ANK3: variants seen among roughly 807,000 people sequenced by gnomAD.
ANK3 encodes the protein ankyrin-3.
Under a neutral mutation model 370.9 loss-of-function variants are expected in ANK3, and 57 were observed. That is an observed-to-expected ratio of 0.15 (90% CI 0.12 to 0.19). The LOEUF (loss-of-function observed/expected upper bound fraction) is 0.19, where lower values mean the gene tolerates loss of function less well. Among genes scored for constraint, ANK3 ranks in the 10% least tolerant of loss-of-function variants. The pLI is 1.00. For missense variants in ANK3, 4,439 were observed against 5,302.1 expected (o/e 0.84, Z 5.06); for synonymous variants, 1,929 against 1,946.3 (o/e 0.99, Z 0.23).
Position 60,493,016 on chromosome 10 carries a change from G to A in ANK3, c.96+122170C>T, listed in dbSNP as rs1326678042. ...AATGGTGTGAATCCAGGAGGTGGAG[G>A]TTGCAGTGAGCCAAGATTGTGTCAC... On this transcript the variant is annotated intron_variant, in intron 2 of 43. Transcript: ENST00000373827. Among the ~76,000 whole-genome samples the A allele has an allele frequency of 3.3e-5, 5 of 149,346 alleles. No individual in the cohort carries two copies. The Admixed American group carries it at 3.4e-4, about 10-fold the overall frequency.
intron 1 of ANK3, among the ~76,000 whole-genome samples, chr10:60,365,188 A>G (rs1330235767): frequency 6.6e-6 from 1 of 151,648 alleles, no homozygotes. Flanking sequence ...CTTTATAAAG[A>G]TCTTTTAGCC....
chr10:60,052,675 A>G (rs1015788711), intron 42 of ANK3, among the ~76,000 whole-genome samples: 4 of 152,206 alleles, frequency 2.6e-5, no homozygotes, highest in Non-Finnish European at 5.9e-5. Flanking sequence ...GCCATGGGGA[A>G]GAGTATTTAC....
intron 2 of ANK3, among the ~76,000 whole-genome samples, chr10:60,396,195 A>AGTGCTATGAAGAAAATAAATTAGTATGG (rs1316803370): frequency 6.6e-5 from 10 of 152,200 alleles, no homozygotes; most frequent in African/African-American, 2.4e-4. Flanking sequence ...GATAGTAACA[A>AGTGCTATGAAGAAAATAAATTAGTATGG]GTGCTATGAA....
At chr10:60,051,664 C>CTTTTTTTTTTTTTTTT in intron 42 of ANK3, 1 of 151,186 alleles carries the variant, frequency 6.6e-6, no homozygotes, top group Non-Finnish European at 1.1e-5. Context: ...ATGTTTTCTT[C>CTTTTTTTTTTTTTTTT]TTTTTTTTTT....
At chr10:60,050,048 CCTTTCACTTTAAAATATCATA>C (rs2077633378) in intron 42 of ANK3, among the ~76,000 whole-genome samples, 2 of 152,086 alleles carry the variant, frequency 1.3e-5, no homozygotes, top group African/African-American at 4.8e-5. Context: ...TTTTTCTAGA[CCTTTCACTTTAAAATATCATA>C]TCTTGAAGAC....
chr10:60,418,499 G>T (rs10821760), intron 2 of ANK3, among the ~76,000 whole-genome samples: 23,872 of 151,842 alleles, frequency 0.16, 1,914 homozygotes, highest in African/African-American at 0.17. Flanking sequence ...GGAAAAGTGG[G>T]TTTTATTCAT....
chr10:60,270,512 C>T (rs1481151112), intron 4 of ANK3, among the ~76,000 whole-genome samples: 1 of 152,160 alleles, frequency 6.6e-6, no homozygotes, highest in Non-Finnish European at 1.5e-5. Context: ...AATTTACCCA[C>T]TTTAAAGAAA....
chr10:60,559,114 C>A (rs1448711955), intron 2 of ANK3, among the ~76,000 whole-genome samples: 3 of 152,050 alleles, frequency 2.0e-5, no homozygotes, highest in Non-Finnish European at 4.4e-5. Flanking sequence ...ATGCTCCATG[C>A]CTTCTTTTTA....
intron 32 of ANK3, chr10:60,084,361 G>A (rs965458983): frequency 2.7e-5 from 5 of 181,960 alleles, no homozygotes; most frequent in East Asian, 1.3e-4. Context: ...AGCTGAGACC[G>A]CGCCACTGCA....
intron 1 of ANK3, among the ~76,000 whole-genome samples, chr10:60,318,509 A>G (rs2047940059): frequency 6.6e-6 from 1 of 152,216 alleles, no homozygotes; most frequent in Non-Finnish European, 1.5e-5. Context: ...ATCCTTCATG[A>G]CCACATACAA....
intron 1 of ANK3, among the ~76,000 whole-genome samples, chr10:60,367,837 C>T (rs1196732376): frequency 6.6e-6 from 1 of 152,194 alleles, no homozygotes; most frequent in African/African-American, 2.4e-5. Flanking sequence ...ATGAGGATAA[C>T]CATCGCTTTC....
chr10:60,496,822 C>T (rs1486204417), intron 2 of ANK3, among the ~76,000 whole-genome samples: 3 of 151,366 alleles, frequency 2.0e-5, no homozygotes, highest in Admixed American at 2.0e-4. Flanking sequence ...GGAGGTAGGT[C>T]AGAGGCAGGT....
chr10:60,356,099 A>T (rs1179425118), intron 1 of ANK3, among the ~76,000 whole-genome samples: 2 of 152,314 alleles, frequency 1.3e-5, no homozygotes, highest in Middle Eastern at 6.8e-3. Flanking sequence ...AAGTAGCAGT[A>T]AGTAGAATGC....
At chr10:60,503,815 T>C (rs921681060) in intron 2 of ANK3, among the ~76,000 whole-genome samples, 3 of 152,186 alleles carry the variant, frequency 2.0e-5, no homozygotes, top group Admixed American at 6.5e-5. Context: ...GATGAGATGT[T>C]TGTCCAAGGT....
intron 23 of ANK3, chr10:60,139,514 G>GA (rs1230665138): frequency 1.9e-5 from 3 of 157,648 alleles, no homozygotes; most frequent in African/African-American, 7.2e-5. Flanking sequence ...ATGTGGGAAG[G>GA]AAACAGACAT....
intron 1 of ANK3, among the ~76,000 whole-genome samples, chr10:60,348,366 A>ACCC (rs1329777186): frequency 1.0e-5 from 1 of 97,876 alleles, no homozygotes; most frequent in East Asian, 2.6e-4. Flanking sequence ...AAAAAAAAAA[A>ACCC]AAAACACAAA....
intron 1 of ANK3, among the ~76,000 whole-genome samples, chr10:60,690,225 G>A (rs1428237005): frequency 6.6e-6 from 1 of 152,136 alleles, no homozygotes; most frequent in East Asian, 1.9e-4. Flanking sequence ...CATCTCATTG[G>A]GACTGGTTGG....
intron 2 of ANK3, among the ~76,000 whole-genome samples, chr10:60,568,011 G>A (rs1043860082): frequency 6.6e-6 from 1 of 152,202 alleles, no homozygotes; most frequent in Non-Finnish European, 1.5e-5. Context: ...GATGATCAAA[G>A]AAAGTGGTTC....
rs534216936 is a variant in ANK3 at position 60,449,688 on chromosome 10, T to C, written c.96+165498A>G. 1.4e-3 allele frequency among the ~76,000 whole-genome samples: 213 copies of C among 152,328 alleles called. 1 individual carries two copies. The highest frequency in any genetic ancestry group is 2.2e-3 in the Non-Finnish European group (147 of 68,032). On this transcript the variant is annotated intron_variant, in intron 2 of 43. Transcript: ENST00000373827. ...ATCATACCTGCTTTCACAGAGTTGA[T>C]GGGACAGAGGAGGCTCAGTAAATGT...
Sources: allele counts gnomAD v4.1 joint callset (sites outside exome capture counted in the v4.1 genomes callset), GRCh38; gene constraint gnomAD v4.1.1; transcripts MANE v1.5; gene names NCBI Gene and HGNC (gene_info 2026-07-23, HGNC 2026-07-21).